Variants in SLC25A26 observed in about 807,000 individuals in gnomAD.
The protein encoded by SLC25A26 is mitochondrial S-adenosylmethionine carrier protein.
Under a neutral mutation model 37.8 loss-of-function variants are expected in SLC25A26, and 36 were observed. The observed-to-expected ratio is 0.95, with a 90% CI of 0.73 to 1.26. The LOEUF is 1.26. Among genes scored for constraint, SLC25A26 ranks in the 50% most tolerant of loss-of-function variants. The pLI, the probability that SLC25A26 is intolerant of heterozygous loss-of-function variation, is 0.00. For missense variants in SLC25A26, 390 were observed against 331.1 expected, an observed-to-expected ratio of 1.18 and a Z score of -1.38; for synonymous variants, 129 against 122.5, an observed-to-expected ratio of 1.05 and a Z score of -0.35.
chr3:66,282,023 G>A (rs1442688250), intron 5 of SLC25A26, among the ~76,000 whole-genome samples: 1 of 17,120 alleles, frequency 5.8e-5, no homozygotes, highest in Non-Finnish European at 1.0e-4. Flanking sequence ...TTTTTTTTTT[G>A]AGACGGAGTC....
At chr3:66,373,576 A>G (rs1700469809) in intron 9 of SLC25A26, among the ~76,000 whole-genome samples, 1 of 151,994 alleles carries the variant, frequency 6.6e-6, no homozygotes, top group African/African-American at 2.4e-5. Flanking sequence ...TTTCCTTCGT[A>G]AGGTAGGAGC....
chr3:66,326,347 T>A (rs1032492773), intron 5 of SLC25A26, among the ~76,000 whole-genome samples: 1 of 152,194 alleles, frequency 6.6e-6, no homozygotes, highest in Non-Finnish European at 1.5e-5. Flanking sequence ...GAAATGTCCC[T>A]GCAAAGTTCT....
intron 1 of SLC25A26, among the ~76,000 whole-genome samples, chr3:66,184,771 C>T (rs1426957716): frequency 6.6e-6 from 1 of 151,980 alleles, no homozygotes; most frequent in Non-Finnish European, 1.5e-5. Context: ...CTGACATTGA[C>T]TCTAACCATC....
At chr3:66,161,720 A>G (rs1234727761) in intron 1 of SLC25A26, among the ~76,000 whole-genome samples, 1 of 152,180 alleles carries the variant, frequency 6.6e-6, no homozygotes, top group Non-Finnish European at 1.5e-5. Context: ...GCATTCATCT[A>G]TGGGCAACAT....
At chr3:66,342,375 A>T (rs1325255143) in intron 5 of SLC25A26, among the ~76,000 whole-genome samples, 1 of 152,128 alleles carries the variant, frequency 6.6e-6, no homozygotes, top group East Asian at 1.9e-4. Context: ...CATTATGTTC[A>T]TTGCAGCTTA....
chr3:66,169,889 C>T (rs2070471980), intron 1 of SLC25A26, among the ~76,000 whole-genome samples: 1 of 152,150 alleles, frequency 6.6e-6, no homozygotes, highest in South Asian at 2.1e-4. Flanking sequence ...TTTACATGTC[C>T]ATGAACCCTC....
At chr3:66,362,287 C>T (rs565805332) in intron 6 of SLC25A26, among the ~76,000 whole-genome samples, 4 of 152,070 alleles carry the variant, frequency 2.6e-5, no homozygotes, top group Non-Finnish European at 4.4e-5. Flanking sequence ...GGAAAAATCC[C>T]AAATGTCCAT....
chr3:66,179,630 A>G (rs895043880), intron 1 of SLC25A26, among the ~76,000 whole-genome samples: 2 of 152,200 alleles, frequency 1.3e-5, no homozygotes, highest in African/African-American at 4.8e-5. Context: ...AAGTTCAACT[A>G]TACTTCTATA....
intron 1 of SLC25A26, among the ~76,000 whole-genome samples, chr3:66,157,101 G>A (rs1223570841): frequency 6.6e-6 from 1 of 152,042 alleles, no homozygotes; most frequent in African/African-American, 2.4e-5. Context: ...CAAGTGTGGT[G>A]GCATACAACT....
chr3:66,271,790 C>A (rs1576762355), intron 5 of SLC25A26, among the ~76,000 whole-genome samples: 8 of 151,980 alleles, frequency 5.3e-5, no homozygotes, highest in Admixed American at 4.6e-4. Context: ...GGGCATCCAT[C>A]GTTGTTAAGA....
At chr3:66,333,123 CAG>C (rs1299355877) in intron 5 of SLC25A26, among the ~76,000 whole-genome samples, 1 of 152,114 alleles carries the variant, frequency 6.6e-6, no homozygotes, top group Non-Finnish European at 1.5e-5. Context: ...TATTTTCTTA[CAG>C]AGTCAGGAAT....
chr3:66,201,538 G>A (rs1489108743), intron 1 of SLC25A26, among the ~76,000 whole-genome samples: 6 of 152,106 alleles, frequency 3.9e-5, no homozygotes, highest in South Asian at 2.1e-4. Flanking sequence ...GTTTCACCAC[G>A]TTGTTCAGGC....
At chr3:66,185,718 C>T (rs1028771493) in intron 1 of SLC25A26, among the ~76,000 whole-genome samples, 1 of 152,090 alleles carries the variant, frequency 6.6e-6, no homozygotes, top group African/African-American at 2.4e-5. Context: ...AGAGCCTGAC[C>T]GTGGCCCATA....
chr3:66,311,387 C>A (rs568352177), intron 5 of SLC25A26, among the ~76,000 whole-genome samples: 2 of 152,172 alleles, frequency 1.3e-5, no homozygotes, highest in African/African-American at 4.8e-5. Flanking sequence ...GTTAGCTGTT[C>A]CTGTAACCTT....
chr3:66,284,046 A>G (rs1210966208), intron 5 of SLC25A26, among the ~76,000 whole-genome samples: 1 of 152,192 alleles, frequency 6.6e-6, no homozygotes, highest in Non-Finnish European at 1.5e-5. Context: ...AATATTACAC[A>G]CTTAAATATT....
chr3:66,352,427 TGTTTTTTGTTTTTTG>T (rs2076475956), intron 6 of SLC25A26, among the ~76,000 whole-genome samples: 1 of 136,806 alleles, frequency 7.3e-6, no homozygotes, highest in African/African-American at 2.9e-5. Context: ...CCTCGTTTTT[TGTTTTTTGTTTTTTG>T]TTTTTTTTTT....
intron 6 of SLC25A26, among the ~76,000 whole-genome samples, chr3:66,348,822 C>T (rs1480468109): frequency 2.0e-5 from 3 of 151,948 alleles, no homozygotes; most frequent in African/African-American, 7.3e-5. Flanking sequence ...CTATGTGGTG[C>T]GTGGTGAAAA....
intron 1 of SLC25A26, among the ~76,000 whole-genome samples, chr3:66,227,686 TAGTG>T (rs2071821403): frequency 6.6e-6 from 1 of 152,168 alleles, no homozygotes; most frequent in Non-Finnish European, 1.5e-5. Context: ...TTCCTGTTTT[TAGTG>T]AGGTGATTTT....
rs1226377000 is a variant in SLC25A26 at position 66,274,741 on chromosome 3, T to C, written c.453+11362T>C. On this transcript the variant is annotated intron_variant, in intron 5 of 9. Transcript: ENST00000354883. ...AGTTAGAATGGCGATCATTAAAAAG[T>C]CAGGAAACAACAGGTGCTGGAGAGG... Among the ~76,000 whole-genome samples, 21 of 152,118 alleles carry C rather than the reference T, an allele frequency of 1.4e-4. No individual in the cohort carries two copies. The East Asian group carries it at 3.3e-3, about 24-fold the overall frequency.
Sources: allele counts gnomAD v4.1 joint callset (sites outside exome capture counted in the v4.1 genomes callset), GRCh38; gene constraint gnomAD v4.1.1; transcripts MANE v1.5; gene names NCBI Gene and HGNC (gene_info 2026-07-23, HGNC 2026-07-21).